PCDH9: variants seen among roughly 807,000 people sequenced by gnomAD.
PCDH9 encodes the protein protocadherin-9.
Under a neutral mutation model 70.6 loss-of-function variants are expected in PCDH9, and 24 were observed. That is an observed-to-expected ratio of 0.34 (90% CI 0.25 to 0.48). The LOEUF is 0.48. Among genes scored for constraint, PCDH9 ranks in the 20% least tolerant of loss-of-function variants. The pLI is 0.99. For missense variants in PCDH9, 1,281 were observed against 1,503.6 expected (o/e 0.85, Z 2.45); for synonymous variants, 562 against 558.5 (o/e 1.01, Z -0.09).
chr13:66,615,164 A>C (rs2077340428), intron 4 of PCDH9, among the ~76,000 whole-genome samples: 1 of 152,242 alleles, frequency 6.6e-6, no homozygotes, highest in Admixed American at 6.5e-5. Flanking sequence ...TAATAATGTT[A>C]GCACAGGTCT....
At chr13:66,306,520 C>G (rs957759622) in intron 4 of PCDH9, among the ~76,000 whole-genome samples, 1 of 151,202 alleles carries the variant, frequency 6.6e-6, no homozygotes. Context: ...ACCACTTGTA[C>G]CCCAAAAACT....
chr13:67,193,004 C>T (rs979917068), intron 2 of PCDH9, among the ~76,000 whole-genome samples: 9 of 152,106 alleles, frequency 5.9e-5, no homozygotes, highest in South Asian at 2.1e-4. Flanking sequence ...TGTCCATCAA[C>T]ACCTAATTGC....
chr13:67,207,817 C>A (rs916339007), intron 2 of PCDH9: 1 of 152,140 alleles, frequency 6.6e-6, no homozygotes, highest in African/African-American at 2.4e-5. Context: ...ATGCCAATAG[C>A]AAACCATTGA....
At chr13:66,855,639 T>C (rs542990550) in intron 3 of PCDH9, among the ~76,000 whole-genome samples, 168 of 152,120 alleles carry the variant, frequency 1.1e-3, no homozygotes, top group Non-Finnish European at 2.1e-3. Flanking sequence ...ACCTCTTAAT[T>C]ATGTGTTATT....
At chr13:66,820,841 G>T (rs970029897) in intron 3 of PCDH9, among the ~76,000 whole-genome samples, 1 of 152,194 alleles carries the variant, frequency 6.6e-6, no homozygotes, top group Admixed American at 6.5e-5. Context: ...CCTGTTTGAG[G>T]GTGGAGGGTG....
intron 2 of PCDH9, chr13:67,214,409 T>C (rs2089542489): frequency 6.6e-6 from 1 of 152,192 alleles, no homozygotes; most frequent in Non-Finnish European, 1.5e-5. Flanking sequence ...TCCAGCTGTG[T>C]TAAGTACTGA....
At chr13:66,623,428 GCTTTTT>G (rs958941625) in intron 4 of PCDH9, among the ~76,000 whole-genome samples, 6 of 152,070 alleles carry the variant, frequency 3.9e-5, no homozygotes, top group East Asian at 3.9e-4. Flanking sequence ...TGGCAAGTAG[GCTTTTT>G]CTTTTTCTTT....
chr13:66,757,168 A>T (rs761879574), intron 3 of PCDH9, among the ~76,000 whole-genome samples: 2 of 152,064 alleles, frequency 1.3e-5, no homozygotes, highest in African/African-American at 4.8e-5. Flanking sequence ...GCCAACTTGC[A>T]TTTGCGGTCT....
At chr13:66,392,284 T>G (rs1432042487) in intron 4 of PCDH9, among the ~76,000 whole-genome samples, 2 of 152,094 alleles carry the variant, frequency 1.3e-5, no homozygotes, top group Admixed American at 6.5e-5. Context: ...ACATATATTT[T>G]AAGATGGGAG....
At chr13:66,679,166 A>G (rs1249414110) in intron 3 of PCDH9, among the ~76,000 whole-genome samples, 6 of 151,672 alleles carry the variant, frequency 4.0e-5, no homozygotes, top group African/African-American at 1.5e-4. Flanking sequence ...TCTTGATCAT[A>G]CTGTACATAT....
At chr13:66,433,213 A>G (rs1957805340) in intron 4 of PCDH9, among the ~76,000 whole-genome samples, 1 of 152,030 alleles carries the variant, frequency 6.6e-6, no homozygotes, top group Non-Finnish European at 1.5e-5. Context: ...AACTTGCAAT[A>G]GCAAGCTTGC....
intron 3 of PCDH9, among the ~76,000 whole-genome samples, chr13:66,787,313 G>A (rs541918924): frequency 6.6e-6 from 1 of 152,162 alleles, no homozygotes; most frequent in South Asian, 2.1e-4. Flanking sequence ...AAACATATAT[G>A]TTAAGATAAC....
chr13:67,029,098 G>A (rs2084852889), intron 2 of PCDH9, among the ~76,000 whole-genome samples: 1 of 152,098 alleles, frequency 6.6e-6, no homozygotes, highest in Non-Finnish European at 1.5e-5. Context: ...AATATGATCT[G>A]TTTTCAAGGA....
chr13:66,605,457 T>C (rs925439612), intron 4 of PCDH9, among the ~76,000 whole-genome samples: 9 of 152,002 alleles, frequency 5.9e-5, no homozygotes, highest in African/African-American at 9.7e-5. Flanking sequence ...AGAAGAAAAG[T>C]ACAAAAGAGA....
chr13:66,979,951 A>C (rs2083705580), intron 2 of PCDH9, among the ~76,000 whole-genome samples: 1 of 152,024 alleles, frequency 6.6e-6, no homozygotes, highest in Non-Finnish European at 1.5e-5. Context: ...TTCTTTATTT[A>C]ACTACTGACT....
chr13:67,178,958 G>A (rs1009448046), intron 2 of PCDH9, among the ~76,000 whole-genome samples: 2 of 152,034 alleles, frequency 1.3e-5, no homozygotes, highest in African/African-American at 4.8e-5. Flanking sequence ...ACAATGCAAA[G>A]GCTTACTTAA....
chr13:66,324,345 T>C (rs1955806113), intron 4 of PCDH9, among the ~76,000 whole-genome samples: 2 of 152,046 alleles, frequency 1.3e-5, no homozygotes. Context: ...GTTTTTGAAC[T>C]GTCCAAGAGA....
chr13:66,429,251 A>G (rs1177210191), intron 4 of PCDH9, among the ~76,000 whole-genome samples: 2 of 151,822 alleles, frequency 1.3e-5, no homozygotes, highest in Non-Finnish European at 2.9e-5. Flanking sequence ...GAAAAGCAAG[A>G]GAGATTAATA....
intron 2 of PCDH9, among the ~76,000 whole-genome samples, chr13:66,937,745 A>C (rs760503585): frequency 6.6e-6 from 1 of 152,164 alleles, no homozygotes; most frequent in Non-Finnish European, 1.5e-5. Flanking sequence ...ACTGCGTTCA[A>C]GTAAGGCAAA....
Sources: gnomAD v4.1 joint callset for allele counts (sites outside exome capture counted in the v4.1 genomes callset) on GRCh38, gnomAD v4.1.1 for gene constraint, MANE v1.5 for transcripts, NCBI Gene and HGNC (gene_info 2026-07-23, HGNC 2026-07-21) for gene names.